The following ERG variants were observed in gnomAD, a reference collection of about 807,000 sequenced individuals.
The protein encoded by ERG is transcriptional regulator ERG.
ERG carries 9 observed loss-of-function variants against 55.3 expected under a neutral mutation model. That is an observed-to-expected ratio of 0.16 (90% CI 0.10 to 0.28). The LOEUF is 0.28. Ranked by LOEUF, ERG falls within the 10% of genes least tolerant of loss-of-function variation. ERG has a pLI of 1.00. For missense variants in ERG, 434 were observed against 631.6 expected (o/e 0.69, Z 3.35); for synonymous variants, 223 against 237.3 (o/e 0.94, Z 0.55).
Position 38,407,646 on chromosome 21 carries a change from T to TATATATATATATA in ERG, c.389-3938_389-3937insTATATATATATAT, listed in dbSNP as rs34894423. 1.0e-3 allele frequency among the ~76,000 whole-genome samples: 144 copies of TATATATATATATA among 142,634 alleles called. 2 individuals are homozygous for TATATATATATATA. The highest frequency in any genetic ancestry group is 3.3e-3 in the African/African-American group (122 of 37,450). 93.6% of individuals were successfully genotyped at this position (142,634 alleles called of 152,430 possible). On this transcript the variant is annotated intron_variant, in intron 3 of 9. Transcript: ENST00000288319. Reference sequence around the variant, plus strand: ...GGTCTTACAAAAGGTATATATATATTTAATGTATATTATATGTATACTATA... The same window carrying TATATATATATATA: ...GGTCTTACAAAAGGTATATATATATTATATATATATATATAATGTATATTATATGTATACTATA...
At chr21:38,422,169 T>C (rs1021676750) in intron 3 of ERG, among the ~76,000 whole-genome samples, 1 of 152,222 alleles carries the variant, frequency 6.6e-6, no homozygotes, top group Non-Finnish European at 1.5e-5. Context: ...CCTGAGGCCA[T>C]GACATTGGCA....
intron 1 of ERG, among the ~76,000 whole-genome samples, chr21:38,654,199 T>G (rs931053205): frequency 2.0e-5 from 3 of 152,258 alleles, no homozygotes; most frequent in African/African-American, 7.2e-5. Flanking sequence ...TTTTACTGGC[T>G]GGGCGCAGTG....
intron 1 of ERG, among the ~76,000 whole-genome samples, chr21:38,602,703 A>AT (rs996007601): frequency 2.0e-5 from 3 of 151,848 alleles, no homozygotes; most frequent in African/African-American, 4.8e-5. Context: ...GGGCTTTGTG[A>AT]TTTTTTTCCC....
At chr21:38,422,911 A>C (rs1989610263) in intron 3 of ERG, among the ~76,000 whole-genome samples, 1 of 152,234 alleles carries the variant, frequency 6.6e-6, no homozygotes, top group Non-Finnish European at 1.5e-5. Context: ...TATCATAAAT[A>C]GTACCTCATG....
At chr21:38,413,093 C>T (rs1172555168) in intron 3 of ERG, among the ~76,000 whole-genome samples, 2 of 152,148 alleles carry the variant, frequency 1.3e-5, no homozygotes, top group Admixed American at 6.5e-5. Context: ...GATTTCATTC[C>T]TTGCCCCTAG....
intron 2 of ERG, among the ~76,000 whole-genome samples, chr21:38,574,127 G>A (rs1022872824): frequency 1.3e-5 from 2 of 152,132 alleles, no homozygotes; most frequent in Admixed American, 6.5e-5. Context: ...CTCACAATCT[G>A]AACTATAGAA....
chr21:38,600,521 C>T (rs2060158426), intron 1 of ERG, among the ~76,000 whole-genome samples: 1 of 152,116 alleles, frequency 6.6e-6, no homozygotes, highest in Admixed American at 6.5e-5. Flanking sequence ...GTAAAGGGAC[C>T]CCATCCCATG....
At position 38,381,610 on chromosome 21, in the gene ERG, G is replaced by A; in HGVS notation, c.*1793C>T. On this transcript the variant is annotated 3_prime_UTR_variant, in exon 10 of 10. Transcript: ENST00000288319. ...TGCAGCTATCCATGACGCTTTATTT[G>A]CCAGTAATAATACAGTTTGCCTTAC... is the stretch of plus-strand genomic sequence containing the variant. The A allele has an allele frequency of 9.4e-7, 1 of 1,063,124 alleles. No individual in the cohort carries two copies. The highest frequency in any genetic ancestry group is 1.1e-6 in the Non-Finnish European group (1 of 877,954). The allele number at this position is 1,063,124 out of a possible 1,614,324, so 65.9% of individuals were successfully genotyped here.
In ERG at chr21:38,603,941, C is replaced by T. The variant is rs545271133; in HGVS notation, c.-149-18996G>A. Among the ~76,000 whole-genome samples, 3 of 150,746 alleles carry T rather than the reference C, an allele frequency of 2.0e-5. No individual in the cohort carries two copies. In the South Asian group the frequency reaches 6.2e-4, roughly 31 times the overall value. Reference sequence around the variant, plus strand: ...CTTCACGTATTGGCATCTTGATTTCCTCCTTTTAAAAAATGTACTAGTTTT... The same window carrying T: ...CTTCACGTATTGGCATCTTGATTTCTTCCTTTTAAAAAATGTACTAGTTTT... On this transcript the variant is annotated intron_variant, in intron 1 of 10. Transcript: ENST00000398910.
chr21:38,433,349 ATTT>A (rs1226495163), intron 2 of ERG, among the ~76,000 whole-genome samples: 1 of 152,154 alleles, frequency 6.6e-6, no homozygotes, highest in African/African-American at 2.4e-5. Flanking sequence ...AGTCAATCTA[ATTT>A]TTTAAGATTA....
intron 1 of ERG, among the ~76,000 whole-genome samples, chr21:38,600,451 C>T (rs903248639): frequency 6.6e-6 from 1 of 152,120 alleles, no homozygotes; most frequent in African/African-American, 2.4e-5. Context: ...TCTCCCGGTC[C>T]CTGTTTGCTC....
At chr21:38,459,271 A>G (rs1004612209) in intron 1 of ERG, among the ~76,000 whole-genome samples, 2 of 152,206 alleles carry the variant, frequency 1.3e-5, no homozygotes, top group African/African-American at 2.4e-5. Flanking sequence ...AGGCCACATA[A>G]GTGTCATTAC....
At chr21:38,445,994 C>T (rs1318119563) in intron 1 of ERG, among the ~76,000 whole-genome samples, 1 of 151,480 alleles carries the variant, frequency 6.6e-6, no homozygotes, top group African/African-American at 2.4e-5. Context: ...GGGTACAGAG[C>T]GGTCATGAGG....
At chr21:38,443,112 G>A (rs1489851068) in intron 2 of ERG, among the ~76,000 whole-genome samples, 1 of 152,176 alleles carries the variant, frequency 6.6e-6, no homozygotes, top group African/African-American at 2.4e-5. Flanking sequence ...CGGCCAGAAT[G>A]CTTATTTTAT....
At chr21:38,444,754 T>G (rs1443651258) in intron 2 of ERG, among the ~76,000 whole-genome samples, 1 of 148,060 alleles carries the variant, frequency 6.8e-6, no homozygotes, top group Non-Finnish European at 1.5e-5. Context: ...ACAGCAGGCA[T>G]TAAGAGAAGA....
intron 2 of ERG, among the ~76,000 whole-genome samples, chr21:38,532,950 C>T (rs1046917784): frequency 1.3e-5 from 2 of 152,240 alleles, no homozygotes; most frequent in Non-Finnish European, 1.5e-5. Context: ...AAATGATCTA[C>T]TTGTAATAAG....
At chr21:38,485,361 C>CA (rs1319256337) in intron 1 of ERG, among the ~76,000 whole-genome samples, 1 of 150,754 alleles carries the variant, frequency 6.6e-6, no homozygotes, top group Non-Finnish European at 1.5e-5. Flanking sequence ...ACAAAAGAGT[C>CA]AAAAAGTTTA....
chr21:38,580,037 G>C (rs2060019164), intron 1 of ERG, among the ~76,000 whole-genome samples: 1 of 151,934 alleles, frequency 6.6e-6, no homozygotes, highest in South Asian at 2.1e-4. Flanking sequence ...AGCCAGGATG[G>C]TATCGATCTC....
At chr21:38,575,589 T>C in intron 2 of ERG, 1 of 1,072,514 alleles carries the variant, frequency 9.3e-7, no homozygotes, top group Non-Finnish European at 1.5e-6. Context: ...TTAACTGATA[T>C]GTGGGCTGCT....
Sources: allele counts gnomAD v4.1 joint callset (sites outside exome capture counted in the v4.1 genomes callset), GRCh38; gene constraint gnomAD v4.1.1; transcripts MANE v1.5; gene names NCBI Gene and HGNC (gene_info 2026-07-23, HGNC 2026-07-21).